Variants in LRP1 observed in about 807,000 individuals in gnomAD.
The protein encoded by LRP1 is LDL receptor related protein 1.
Under a neutral mutation model 541.5 loss-of-function variants are expected in LRP1, and 51 were observed. The observed-to-expected ratio is 0.09, with a 90% CI of 0.08 to 0.12. The LOEUF (loss-of-function observed/expected upper bound fraction) is 0.12, where lower values mean the gene tolerates loss of function less well. LRP1 is among the 10% of genes least tolerant of loss of function. The pLI, the probability that LRP1 is intolerant of heterozygous loss-of-function variation, is 1.00. For synonymous variants in LRP1, 2,219 were observed against 2,470.8 expected (o/e 0.90, Z 3.02); for missense variants, 3,878 against 6,376.2 (o/e 0.61, Z 13.34).
At chr12:57,210,213 C>T (rs759266818) in intron 81 of LRP1, 44 bp downstream of exon 81, 25 of 1,555,920 alleles carry the variant, frequency 1.6e-5, no homozygotes, top group Non-Finnish European at 2.2e-5. Context: ...TCAGGACCAT[C>T]TCCTTCCTGT....
chr12:57,197,843 T>G lies in LRP1; in HGVS notation c.9282+179T>G, dbSNP rs1348644025. On this transcript the variant is annotated intron_variant, in intron 58 of 88. Coordinates refer to ENST00000243077, the MANE Select transcript of LRP1 (RefSeq NM_002332.3). This position sits in a 1 kb window ranked among gnomAD's most constrained non-coding sequence, Gnocchi z 4.5. ...GGCCCAGACAGCAAGGACTGGGAGATTCCTCTTGCCCTTCCCCTCGCTGCC... is the reference window on the plus strand; with the variant it reads ...GGCCCAGACAGCAAGGACTGGGAGAGTCCTCTTGCCCTTCCCCTCGCTGCC... Among the ~76,000 whole-genome samples, 1 of 152,176 alleles carries G rather than the reference T, an allele frequency of 6.6e-6. No individual in the cohort carries two copies. The highest frequency in any genetic ancestry group is 1.5e-5 in the Non-Finnish European group (1 of 68,018).
At position 57,163,055 on chromosome 12, in the gene LRP1, A is replaced by G. The variant is rs34094967; in HGVS notation, c.2530+72A>G. On this transcript the variant is annotated intron_variant, in intron 15 of 88. Coordinates refer to ENST00000243077, the MANE Select transcript of LRP1 (RefSeq NM_002332.3). Reference sequence around the variant, plus strand: ...GAGGATGCCGAAGAGTGGGGAGGGGAGGATCCAGGGTCCCAGTCAGAGATT... The same window carrying G: ...GAGGATGCCGAAGAGTGGGGAGGGGGGGATCCAGGGTCCCAGTCAGAGATT... 168 of 1,513,546 alleles carry G rather than the reference A, an allele frequency of 1.1e-4. No homozygotes were observed. In the African/African-American group the frequency reaches 2.2e-3, roughly 20 times the overall value. 93.8% of individuals were successfully genotyped at this position (1,513,546 alleles called of 1,614,324 possible).
chr12:57,185,087 T>C lies in LRP1; in HGVS notation c.6345T>C (p.His2115=). Residue 2115 remains histidine (H), a synonymous_variant, in exon 40 of 89, where the codon CAT becomes CAC. Transcript: ENST00000243077. This position sits in a 1 kb window ranked among gnomAD's most constrained non-coding sequence, Gnocchi z 4.9. ...EDFIYWSDRT[H]ANGSIKRGSK... is the part of the protein sequence containing the mutation. The stretch of plus-strand genomic sequence containing the variant: ...TGCCCTGTCCTTCCCTCAGGACTCA[T>C]GCCAACGGCTCTATCAAGCGCGGGA... 2 of 1,614,162 alleles carry C rather than the reference T, an allele frequency of 1.2e-6. No homozygotes were observed. The highest frequency in any genetic ancestry group is 1.1e-5 in the South Asian group (1 of 91,068).
Position 57,204,280 on chromosome 12 carries a change from G to C in LRP1, c.10952-130G>C. 8.9e-7 allele frequency: 1 copy of C among 1,129,064 alleles called. No homozygotes were observed. Among genetic ancestry groups the C allele is most frequent in the Non-Finnish European group, 1.2e-6 (1 of 821,602 alleles). 69.9% of individuals were successfully genotyped at this position (1,129,064 alleles called of 1,614,324 possible). On this transcript the variant is annotated intron_variant, in intron 70 of 88. Transcript: ENST00000243077. This position sits in a 1 kb window ranked among gnomAD's most constrained non-coding sequence, Gnocchi z 5.3. ...GGCCCCACCAAGTAGAAATTTAAGA[G>C]ACCTGGTTCCAATTTGGCTGTGCCA...
intron 1 of LRP1, among the ~76,000 whole-genome samples, chr12:57,134,362 T>C (rs915116480): frequency 2.0e-5 from 3 of 152,200 alleles, no homozygotes; most frequent in Admixed American, 6.5e-5. Flanking sequence ...TGAGGAGCCC[T>C]GAAGGCCACC....
intron 44 of LRP1, among the ~76,000 whole-genome samples, chr12:57,192,308 C>T (rs142594486): frequency 1.4e-4 from 21 of 152,230 alleles, no homozygotes; most frequent in South Asian, 4.1e-4. Context: ...ACTCTGCACA[C>T]GCCTGGCATC....
intron 43 of LRP1, 141 bp from the exon 44 acceptor site, chr12:57,191,178 AT>A: frequency 9.1e-7 from 1 of 1,099,692 alleles, no homozygotes; most frequent in Non-Finnish European, 1.3e-6. Flanking sequence ...CTTGCTCCTC[AT>A]CAGCTAGACG....
chr12:57,193,885 G>C lies in LRP1; in HGVS notation c.7805-14G>C. 1.2e-6 allele frequency: 2 copies of C among 1,611,156 alleles called. No individual in the cohort carries two copies. The highest frequency in any genetic ancestry group is 2.2e-5 in the South Asian group (2 of 91,010). On this transcript the variant is annotated splice_polypyrimidine_tract_variant and intron_variant, in intron 47 of 88. Coordinates refer to ENST00000243077, the MANE Select transcript of LRP1 (RefSeq NM_002332.3). ...AAACTCTGGCCTGACGATACGGGGCGGGCACTGTTCTAGAGACAGCCTGTG... is the reference window on the plus strand; with the variant it reads ...AAACTCTGGCCTGACGATACGGGGCCGGCACTGTTCTAGAGACAGCCTGTG...
intron 1 of LRP1, among the ~76,000 whole-genome samples, chr12:57,131,081 G>A (rs2035028704): frequency 6.6e-6 from 1 of 152,186 alleles, no homozygotes; most frequent in Admixed American, 6.5e-5. Context: ...CTGCCCTCTT[G>A]CCTCAGGGTC....
At position 57,129,049 on chromosome 12, in the gene LRP1, TC is replaced by T. The variant is rs1023204070; in HGVS notation, c.67+23del. 2.6e-6 allele frequency: 4 copies of T among 1,550,852 alleles called. No homozygotes were observed. In the African/African-American group the frequency reaches 5.5e-5, roughly 21 times the overall value. On this transcript the variant is annotated intron_variant, in intron 1 of 88. Coordinates refer to ENST00000243077, the MANE Select transcript of LRP1 (RefSeq NM_002332.3). ...TATCGACGGTGAGTGAGATTCCGCG[TC>T]CCCCTTGGACCCCTGGGGGCACCCT...
Position 57,211,688 on chromosome 12 carries a change from T to C in LRP1, c.13194-62T>C, listed in dbSNP as rs1592668062. 2 of 1,346,128 alleles carry C rather than the reference T, an allele frequency of 1.5e-6. No homozygotes were observed. Among genetic ancestry groups the C allele is most frequent in the Non-Finnish European group, 2.1e-6 (2 of 940,432 alleles). The allele number at this position is 1,346,128 out of a possible 1,614,324, so 83.4% of individuals were successfully genotyped here. ...GCCTCAGTGCCCACCCCCCGCCCTG[T>C]TTTCCTGGCAGCAGTGGCTATGGAG... On this transcript the variant is annotated intron_variant, in intron 85 of 88. Transcript: ENST00000243077. The surrounding 1 kb of genome is among the most constrained non-coding windows in gnomAD (Gnocchi z 4.3).
Position 57,179,714 on chromosome 12 carries a change from C to A in LRP1, c.4967-68C>A. The A allele has an allele frequency of 6.7e-7, 1 of 1,502,406 alleles. No individual in the cohort carries two copies. 93.1% of individuals were successfully genotyped at this position (1,502,406 alleles called of 1,614,324 possible). Reference sequence around the variant, plus strand: ...CCTGATCCCTTTTCTCCAGAAGGCACACTGGCTCCCCTCCTGACCCACTGC... The same window carrying A: ...CCTGATCCCTTTTCTCCAGAAGGCAAACTGGCTCCCCTCCTGACCCACTGC... On this transcript the variant is annotated intron_variant, in intron 29 of 88. Coordinates refer to ENST00000243077, the MANE Select transcript of LRP1 (RefSeq NM_002332.3). The surrounding 1 kb of genome is among the most constrained non-coding windows in gnomAD (Gnocchi z 6.8).
chr12:57,145,373 G>C lies in LRP1; in HGVS notation c.724G>C (p.Val242Leu). 4 of 1,614,168 alleles carry C rather than the reference G, an allele frequency of 2.5e-6. No individual in the cohort carries two copies. Among genetic ancestry groups the C allele is most frequent in the Non-Finnish European group, 3.4e-6 (4 of 1,180,038 alleles). The part of the protein sequence containing the change: ...AMDFSYANET[V>L]CWVHVGDSAA... ...GGACTTCAGCTATGCCAACGAGACC[G>C]TATGCTGGGTGCATGTTGGGGACAG... The change falls in exon 6 of 89, where the codon GTA becomes CTA. Residue 242 changes from valine (V) to leucine (L), a missense_variant. Val to Leu is a conservative substitution (Grantham distance 32). This residue lies in a region of LRP1 where 293 missense variants were observed against 403.7 expected (regional missense o/e 0.73). Coordinates refer to ENST00000243077, the MANE Select transcript of LRP1 (RefSeq NM_002332.3).
intron 1 of LRP1, among the ~76,000 whole-genome samples, chr12:57,133,213 G>A (rs1031668663): frequency 2.6e-5 from 4 of 152,012 alleles, no homozygotes; most frequent in African/African-American, 4.8e-5. Flanking sequence ...TGGCTGGGGT[G>A]GGGGGAGAAG....
intron 13 of LRP1, among the ~76,000 whole-genome samples, chr12:57,161,705 T>A (rs957576312): frequency 6.6e-6 from 1 of 152,126 alleles, no homozygotes; most frequent in Non-Finnish European, 1.5e-5. Context: ...TCTGTGCCAT[T>A]ACTCATGCAG....
At chr12:57,192,436 G>A (rs951521355) in intron 44 of LRP1, among the ~76,000 whole-genome samples, 15 of 152,048 alleles carry the variant, frequency 9.9e-5, no homozygotes, top group Non-Finnish European at 1.2e-4. Context: ...ACAGACAGCC[G>A]AGAGCCTGGG....
intron 2 of LRP1, among the ~76,000 whole-genome samples, chr12:57,140,691 C>A (rs2035270579): frequency 6.6e-6 from 1 of 152,142 alleles, no homozygotes; most frequent in South Asian, 2.1e-4. Flanking sequence ...ATTGGAGTTT[C>A]TCTGCCATGG....
chr12:57,194,877 C>A (rs906595184), intron 50 of LRP1, 108 bp from the exon 51 acceptor site: 31 of 1,169,984 alleles, frequency 2.6e-5, no homozygotes, highest in Middle Eastern at 2.0e-4. Context: ...TGAGCCCCCC[C>A]ACAGAGGGGT....
Position 57,208,715 on chromosome 12 carries a change from A to G in LRP1, c.12043A>G (p.Met4015Val). Residue 4015 changes from methionine to valine, a missense_variant, in exon 78 of 89, where the codon ATG (methionine) becomes GTG (valine). Met to Val is a conservative substitution (Grantham distance 21). Around this residue, in one of 13 missense-constraint regions of LRP1, gnomAD observed 871 missense variants for 1,212.4 expected, o/e 0.72. Transcript: ENST00000243077. Reference sequence around the variant, plus strand: ...TCACCCCTTCTCCCTCCCCAGGACCATGTACTGGTCAGACTGGGGCAACCA... The same window carrying G: ...TCACCCCTTCTCCCTCCCCAGGACCGTGTACTGGTCAGACTGGGGCAACCA... ...AIVVDPLRGT[M>V]YWSDWGNHPK... The G allele has an allele frequency of 1.2e-6, 2 of 1,611,302 alleles. No individual in the cohort carries two copies. Among genetic ancestry groups the G allele is most frequent in the Non-Finnish European group, 1.7e-6 (2 of 1,177,714 alleles).
Sources: gnomAD v4.1 joint callset for allele counts (sites outside exome capture counted in the v4.1 genomes callset) on GRCh38, gnomAD v4.1.1 for gene constraint, gnomAD v4.1.1 regional missense constraint, Gnocchi (gnomAD v3.1) non-coding constraint, MANE v1.5 for transcripts, NCBI Gene and HGNC (gene_info 2026-07-23, HGNC 2026-07-21) for gene names.